Variants in HYAL4 observed in about 807,000 individuals in gnomAD.
HYAL4 encodes the protein hyaluronidase-4.
Under a neutral mutation model 35.2 loss-of-function variants are expected in HYAL4, and 37 were observed. That is an observed-to-expected ratio of 1.05 (90% CI 0.81 to 1.38). HYAL4 has a LOEUF of 1.38. Among genes scored for constraint, HYAL4 ranks in the 40% most tolerant of loss-of-function variants. The pLI is 0.00. For missense variants in HYAL4, 572 were observed against 572.4 expected, an observed-to-expected ratio of 1.00 and a Z score of 0.01; for synonymous variants, 198 against 203.2, an observed-to-expected ratio of 0.97 and a Z score of 0.22.
chr7:123,829,245 C>T (rs1805844682), intron 1 of HYAL4: 2 of 152,248 alleles, frequency 1.3e-5, no homozygotes, highest in South Asian at 2.1e-4. Flanking sequence ...TGGCATGGAC[C>T]GTCTTGTCAC....
upstream of HYAL4, among the ~76,000 whole-genome samples, chr7:123,841,720 G>T (rs1238236698): frequency 6.6e-6 from 1 of 151,868 alleles, no homozygotes; most frequent in Non-Finnish European, 1.5e-5. Flanking sequence ...GTTTAGTCTT[G>T]GGAGGGTGTA....
chr7:123,802,065 T>A, the HYAL4 span, among the ~76,000 whole-genome samples: 1 of 152,146 alleles, frequency 6.6e-6, no homozygotes, highest in African/African-American at 2.4e-5. Context: ...GATTGATGAG[T>A]GTGTGAGAAG....
chr7:123,848,863 GT>G (rs1806232966), intron 2 of HYAL4, among the ~76,000 whole-genome samples: 1 of 152,144 alleles, frequency 6.6e-6, no homozygotes, highest in African/African-American at 2.4e-5. Context: ...ATGATTTTTG[GT>G]TGTAAAACTG....
chr7:123,770,758 T>A, the HYAL4 span, among the ~76,000 whole-genome samples: 5 of 151,864 alleles, frequency 3.3e-5, no homozygotes, highest in Non-Finnish European at 7.4e-5. Flanking sequence ...ATGATCCGAG[T>A]TGTGCTTTAA....
the HYAL4 span, among the ~76,000 whole-genome samples, chr7:123,799,963 C>A: frequency 1.3e-5 from 2 of 151,732 alleles, no homozygotes; most frequent in African/African-American, 4.8e-5. Flanking sequence ...GAGTTCGAGA[C>A]CCACCTGGGC....
the HYAL4 span, among the ~76,000 whole-genome samples, chr7:123,779,658 T>C: frequency 6.6e-6 from 1 of 151,934 alleles, no homozygotes; most frequent in Non-Finnish European, 1.5e-5. Context: ...ATTTTCAAAA[T>C]AAAAAAAATT....
At chr7:123,810,915 G>A in the HYAL4 span, among the ~76,000 whole-genome samples, 2 of 152,100 alleles carry the variant, frequency 1.3e-5, no homozygotes, top group Non-Finnish European at 2.9e-5. Context: ...AGTTGGAATT[G>A]TACAATTTGT....
At chr7:123,802,785 A>G in the HYAL4 span, among the ~76,000 whole-genome samples, 1 of 152,248 alleles carries the variant, frequency 6.6e-6, no homozygotes, top group South Asian at 2.1e-4. Context: ...TGGCTTAATA[A>G]TTTTAAAAAG....
chr7:123,839,700 C>T (rs1806022328), intron 1 of HYAL4, among the ~76,000 whole-genome samples: 3 of 152,188 alleles, frequency 2.0e-5, no homozygotes, highest in Admixed American at 6.5e-5. Flanking sequence ...GATGGTATCT[C>T]ATTGTAGTTG....
intron 2 of HYAL4, among the ~76,000 whole-genome samples, chr7:123,855,077 A>G (rs1189601678): frequency 1.3e-5 from 2 of 151,986 alleles, no homozygotes; most frequent in Non-Finnish European, 2.9e-5. Context: ...CCATTCCTTT[A>G]TTTTGAACTT....
chr7:123,788,513 TA>T, the HYAL4 span, among the ~76,000 whole-genome samples: 1 of 152,216 alleles, frequency 6.6e-6, no homozygotes. Flanking sequence ...AGATCTAAAA[TA>T]GATCTCAGCT....
intron 3 of HYAL4, among the ~76,000 whole-genome samples, chr7:123,872,515 C>T (rs1018772637): frequency 8.5e-5 from 13 of 152,282 alleles, no homozygotes; most frequent in African/African-American, 2.9e-4. Flanking sequence ...TGAGTGAATC[C>T]CCTGAGTAGC....
At chr7:123,852,680 A>G (rs532725971) in intron 2 of HYAL4, among the ~76,000 whole-genome samples, 2 of 152,280 alleles carry the variant, frequency 1.3e-5, no homozygotes, top group Admixed American at 1.3e-4. Flanking sequence ...TGATGCCTCC[A>G]GCTTTGTTCT....
chr7:123,805,851 C>T, the HYAL4 span, among the ~76,000 whole-genome samples: 162 of 151,874 alleles, frequency 1.1e-3, 1 homozygote, highest in Middle Eastern at 6.8e-3. Flanking sequence ...AAATATAGGC[C>T]GGGCGTAGTG....
chr7:123,832,476 ATACTTTTTTT>A (rs1186195390), intron 1 of HYAL4, among the ~76,000 whole-genome samples: 3,943 of 58,412 alleles, frequency 0.068, 706 homozygotes, highest in Admixed American at 0.12. Flanking sequence ...CTATTGTGTC[ATACTTTTTTT>A]TTTTTTTTTT....
At chr7:123,853,152 T>G (rs1806350590) in intron 2 of HYAL4, among the ~76,000 whole-genome samples, 1 of 152,178 alleles carries the variant, frequency 6.6e-6, no homozygotes, top group Admixed American at 6.6e-5. Context: ...ATGATGGGGT[T>G]TTCTATACAG....
chr7:123,876,522 T>C (rs1470479593), intron 4 of HYAL4, among the ~76,000 whole-genome samples: 1 of 152,186 alleles, frequency 6.6e-6, no homozygotes, highest in Non-Finnish European at 1.5e-5. Context: ...TAACATAGTA[T>C]CCATCTCCTG....
the HYAL4 span, among the ~76,000 whole-genome samples, chr7:123,813,437 T>C: frequency 6.6e-6 from 1 of 152,162 alleles, no homozygotes; most frequent in African/African-American, 2.4e-5. Context: ...TACAATCCAG[T>C]TTCTTTATAG....
the HYAL4 span, among the ~76,000 whole-genome samples, chr7:123,811,478 T>C: frequency 6.6e-6 from 1 of 152,226 alleles, no homozygotes; most frequent in Non-Finnish European, 1.5e-5. Context: ...TCTGTATATC[T>C]TCTTTGATGA....
Sources: gnomAD v4.1 joint callset for allele counts (sites outside exome capture counted in the v4.1 genomes callset) on GRCh38, gnomAD v4.1.1 for gene constraint, MANE v1.5 for transcripts, NCBI Gene and HGNC (gene_info 2026-07-23, HGNC 2026-07-21) for gene names.